The following ZNF280D variants were observed in gnomAD, a reference collection of about 807,000 sequenced individuals.
ZNF280D encodes suppressor of hairy wing homolog 4.
A neutral mutation model predicts 94.7 loss-of-function variants in ZNF280D; 39 were observed. That is an observed-to-expected ratio of 0.41 (90% CI 0.32 to 0.54). The LOEUF (loss-of-function observed/expected upper bound fraction) is 0.54, where lower values mean the gene tolerates loss of function less well. Among genes scored for constraint, ZNF280D ranks in the 20% least tolerant of loss-of-function variants. The probability of loss-of-function intolerance (pLI) is 0.22; values close to 1 mark genes in which losing one functional copy is unlikely to be tolerated. For synonymous variants in ZNF280D, 398 were observed against 377.6 expected (o/e 1.05, Z -0.63); for missense variants, 1,090 against 1,149.3 (o/e 0.95, Z 0.75).
intron 20 of ZNF280D, among the ~76,000 whole-genome samples, chr15:56,640,909 G>A (rs965849260): frequency 8.5e-5 from 13 of 152,050 alleles, no homozygotes; most frequent in African/African-American, 2.7e-4. Context: ...AATTTAAATC[G>A]TCAGAATATT....
Position 56,633,416 on chromosome 15 carries a change from T to G in ZNF280D, c.2316-1294A>C, listed in dbSNP as rs150778236. 2.0e-5 allele frequency among the ~76,000 whole-genome samples: 3 copies of G among 152,192 alleles called. No homozygotes were observed. In the South Asian group the frequency reaches 6.2e-4, roughly 32 times the overall value. On this transcript the variant is annotated intron_variant, in intron 21 of 21. Coordinates refer to ENST00000267807, the MANE Select transcript of ZNF280D (RefSeq NM_017661.4). Reference sequence around the variant, plus strand: ...CCCCATAAATTTCATACTTTTAATATGTAAAAGATATTTATCAAGGATGCT... The same window carrying G: ...CCCCATAAATTTCATACTTTTAATAGGTAAAAGATATTTATCAAGGATGCT...
rs146127778 is a variant in ZNF280D, at chr15:56,682,941, A to G, written c.781-464T>C. Reference sequence around the variant, plus strand: ...AAAAATTAAAATATACAAAAATTATATAATATAGAATAGGCTCCTTAATTA... The same window carrying G: ...AAAAATTAAAATATACAAAAATTATGTAATATAGAATAGGCTCCTTAATTA... On this transcript the variant is annotated intron_variant, in intron 9 of 21. Transcript: ENST00000267807. Among the ~76,000 whole-genome samples the G allele has an allele frequency of 1.3e-3, 193 of 152,204 alleles. 1 individual carries two copies. The highest frequency in any genetic ancestry group is 4.4e-3 in the African/African-American group (183 of 41,562).
intron 1 of ZNF280D, among the ~76,000 whole-genome samples, chr15:56,727,343 C>A (rs796468109): frequency 6.6e-5 from 10 of 152,290 alleles, no homozygotes; most frequent in African/African-American, 2.2e-4. Context: ...CCTGTAGTTC[C>A]AGCTACTCGG....
intron 16 of ZNF280D, among the ~76,000 whole-genome samples, chr15:56,664,206 T>A (rs1163139482): frequency 6.6e-6 from 1 of 152,044 alleles, no homozygotes; most frequent in Non-Finnish European, 1.5e-5. Context: ...AAAAGAGGAA[T>A]GTTAGTTGGT....
rs1006139550 is a variant in ZNF280D, at chr15:56,661,541, C to T, written c.1995-3055G>A. 5.3e-5 allele frequency among the ~76,000 whole-genome samples: 8 copies of T among 152,268 alleles called. No homozygotes were observed. The East Asian group carries it at 9.7e-4, about 18-fold the overall frequency. Reference sequence around the variant, plus strand: ...ACCTTTTTAAAATTCAGTACTCTGTCGTACCTACTGTGTAAGAAACAAATT... The same window carrying T: ...ACCTTTTTAAAATTCAGTACTCTGTTGTACCTACTGTGTAAGAAACAAATT... On this transcript the variant is annotated intron_variant, in intron 16 of 21. Transcript: ENST00000267807.
chr15:56,706,568 A>G (rs2057416415), intron 3 of ZNF280D, among the ~76,000 whole-genome samples: 1 of 152,114 alleles, frequency 6.6e-6, no homozygotes, highest in Admixed American at 6.6e-5. Context: ...TGGCCCCCAG[A>G]AGAAATCAAT....
intron 19 of ZNF280D, chr15:56,653,290 T>A: frequency 8.3e-7 from 1 of 1,206,112 alleles, no homozygotes; most frequent in Non-Finnish European, 1.0e-6. Context: ...TTGATGGGCT[T>A]TTCTTGGTCA....
intron 17 of ZNF280D, among the ~76,000 whole-genome samples, chr15:56,656,263 C>G (rs1220593174): frequency 2.0e-5 from 3 of 152,148 alleles, no homozygotes; most frequent in Non-Finnish European, 4.4e-5. Flanking sequence ...AATGAATAGT[C>G]TATTTCAATA....
At chr15:56,658,990 A>C (rs1306880536) in intron 16 of ZNF280D, among the ~76,000 whole-genome samples, 2 of 151,938 alleles carry the variant, frequency 1.3e-5, no homozygotes, top group African/African-American at 4.8e-5. Flanking sequence ...TGTAAATTCA[A>C]ACATTTACAG....
rs540714816 is a variant in ZNF280D at position 56,677,640 on chromosome 15, T to C, written c.1197A>G (p.Thr399=). The C allele has an allele frequency of 6.2e-7, 1 of 1,602,756 alleles. No homozygotes were observed. The highest frequency in any genetic ancestry group is 1.3e-5 in the African/African-American group (1 of 74,388). The change falls in exon 12 of 22, where the codon ACA becomes ACG. Residue 399 remains threonine, a synonymous_variant. Coordinates refer to ENST00000267807, the MANE Select transcript of ZNF280D (RefSeq NM_017661.4). ...TCATATGTTGTAAAAGAACATGTTC[T>C]GTTTCAAATGACAATTCACAGATTT... ...ICKICELSFE[T]EHVLLQHMKD...
chr15:56,647,622 C>T (rs746618561), intron 19 of ZNF280D, among the ~76,000 whole-genome samples: 4 of 152,170 alleles, frequency 2.6e-5, no homozygotes, highest in Admixed American at 6.5e-5. Context: ...ACCTCCACAT[C>T]CCAGGCTCCA....
At chr15:56,651,112 A>C (rs1309127141) in intron 19 of ZNF280D, among the ~76,000 whole-genome samples, 3 of 152,238 alleles carry the variant, frequency 2.0e-5, no homozygotes, top group African/African-American at 7.2e-5. Context: ...GGACAATGCC[A>C]GGCACAAAGT....
intron 19 of ZNF280D, chr15:56,653,803 G>A: frequency 1.6e-6 from 2 of 1,255,850 alleles, no homozygotes; most frequent in Non-Finnish European, 1.0e-6. Context: ...AAAGACCATA[G>A]CAACAAATGT....
chr15:56,640,819 A>G (rs1222851106), intron 20 of ZNF280D, among the ~76,000 whole-genome samples: 3 of 152,190 alleles, frequency 2.0e-5, no homozygotes, highest in Admixed American at 2.0e-4. Context: ...AAGAAGGTTT[A>G]GAAGACCCAA....
rs766590808 is a variant in ZNF280D at position 56,658,409 on chromosome 15, A to G, written c.2057+15T>C. 2 of 1,575,282 alleles carry G rather than the reference A, an allele frequency of 1.3e-6. No homozygotes were observed. The highest frequency in any genetic ancestry group is 4.0e-5 in the Admixed American group (2 of 50,036). On this transcript the variant is annotated intron_variant, in intron 17 of 21. Coordinates refer to ENST00000267807, the MANE Select transcript of ZNF280D (RefSeq NM_017661.4). ...ATTTTTCAATAGAAAGAGTAAAAAA[A>G]GATCAACTAGTTACCGGAGATTTTC...
chr15:56,720,978 G>GGC (rs1263034418), intron 1 of ZNF280D, among the ~76,000 whole-genome samples: 10 of 112,440 alleles, frequency 8.9e-5, no homozygotes, highest in Non-Finnish European at 1.9e-4. Flanking sequence ...TTTGGGGGGG[G>GGC]GGGGGACAGA....
At chr15:56,654,316 T>C in intron 18 of ZNF280D, 69 bp downstream of exon 18, 1 of 1,599,030 alleles carries the variant, frequency 6.3e-7, no homozygotes. Context: ...AAAGAGACCA[T>C]ATTGTGGATG....
intron 9 of ZNF280D, among the ~76,000 whole-genome samples, chr15:56,685,437 G>A: frequency 6.6e-6 from 1 of 152,214 alleles, no homozygotes; most frequent in South Asian, 2.1e-4. Flanking sequence ...AATTGGGAGA[G>A]GATAAAAGGA....
intron 7 of ZNF280D, among the ~76,000 whole-genome samples, chr15:56,692,807 C>T (rs569155495): frequency 5.9e-5 from 9 of 152,188 alleles, no homozygotes; most frequent in Non-Finnish European, 1.2e-4. Context: ...CTGAGAAGTT[C>T]TCTAACTCAC....
Sources: gnomAD v4.1 joint callset for allele counts (sites outside exome capture counted in the v4.1 genomes callset) on GRCh38, gnomAD v4.1.1 for gene constraint, MANE v1.5 for transcripts, NCBI Gene and HGNC (gene_info 2026-07-23, HGNC 2026-07-21) for gene names.